SMOC2: variants seen among roughly 807,000 people sequenced by gnomAD.
SMOC2 encodes the protein SPARC-related modular calcium-binding protein 2.
A neutral mutation model predicts 61.4 loss-of-function variants in SMOC2; 39 were observed. That is an observed-to-expected ratio of 0.64 (90% CI 0.49 to 0.83). The LOEUF is 0.83. SMOC2 is among the 40% of genes least tolerant of loss of function. SMOC2 has a pLI of 0.00. For missense variants in SMOC2, 556 were observed against 592.9 expected (o/e 0.94, Z 0.65); for synonymous variants, 247 against 239.9 (o/e 1.03, Z -0.27).
intron 11 of SMOC2, among the ~76,000 whole-genome samples, chr6:168,658,102 G>C (rs1050437931): frequency 6.6e-6 from 1 of 152,208 alleles, no homozygotes; most frequent in Non-Finnish European, 1.5e-5. Flanking sequence ...GACTGATGGG[G>C]AGATGGAGAG....
intron 1 of SMOC2, among the ~76,000 whole-genome samples, chr6:168,492,989 A>C (rs896193007): frequency 6.6e-6 from 1 of 152,214 alleles, no homozygotes; most frequent in Non-Finnish European, 1.5e-5. Flanking sequence ...GGAAGAGTTC[A>C]CAAATTTGAA....
chr6:168,539,370 A>G (rs1783823862), intron 4 of SMOC2, among the ~76,000 whole-genome samples: 1 of 152,160 alleles, frequency 6.6e-6, no homozygotes, highest in South Asian at 2.1e-4. Context: ...GGGCATCTCC[A>G]TGCCAGCGCC....
intron 4 of SMOC2, among the ~76,000 whole-genome samples, chr6:168,536,849 G>T (rs1426422588): frequency 6.6e-6 from 1 of 152,220 alleles, no homozygotes; most frequent in Admixed American, 6.5e-5. Flanking sequence ...ATGGGACCCG[G>T]TGAAGTCGGA....
At position 168,624,346 on chromosome 6, in the gene SMOC2, G is replaced by A. The variant is rs12174311; in HGVS notation, c.907+16107G>A. Reference sequence around the variant, plus strand: ...GCTAATCTGAGCTGCATGTGAACACGCACATATGTAGACGAAGCTCGCTAG... The same window carrying A: ...GCTAATCTGAGCTGCATGTGAACACACACATATGTAGACGAAGCTCGCTAG... On this transcript the variant is annotated intron_variant, in intron 9 of 12. Transcript: ENST00000356284. Among the ~76,000 whole-genome samples, 162 of 152,290 alleles carry A rather than the reference G, an allele frequency of 1.1e-3. 4 individuals carry two copies. In the East Asian group the frequency reaches 0.027, roughly 26 times the overall value.
chr6:168,636,936 A>ACCTCCCTCTTCCCTCCTCTTT (rs1240511308), intron 9 of SMOC2, among the ~76,000 whole-genome samples: 1 of 37,018 alleles, frequency 2.7e-5, no homozygotes, highest in African/African-American at 1.1e-4. Context: ...CCCCCTCCCC[A>ACCTCCCTCTTCCCTCCTCTTT]CCTCCCTCTT....
intron 1 of SMOC2, among the ~76,000 whole-genome samples, chr6:168,474,103 C>T (rs1244810559): frequency 6.6e-6 from 1 of 152,108 alleles, no homozygotes; most frequent in South Asian, 2.1e-4. Context: ...TCTGTTCATC[C>T]GTGCATTGAT....
At chr6:168,664,002 G>A in intron 11 of SMOC2, 72 bp from the exon 12 acceptor site, 1 of 1,333,922 alleles carries the variant, frequency 7.5e-7, no homozygotes, top group South Asian at 1.3e-5. Context: ...ACTCCTTCCT[G>A]AAATTGTGTT....
At chr6:168,449,589 A>G (rs776943089) in intron 1 of SMOC2, among the ~76,000 whole-genome samples, 6 of 152,154 alleles carry the variant, frequency 3.9e-5, no homozygotes, top group African/African-American at 9.7e-5. Flanking sequence ...TTTAAGTACA[A>G]TTAAAACTAA....
chr6:168,484,761 C>A (rs75554909), intron 1 of SMOC2, among the ~76,000 whole-genome samples: 1,647 of 152,276 alleles, frequency 0.011, 32 homozygotes, highest in African/African-American at 0.037. Context: ...TATTATTCAT[C>A]CTTAAAATGA....
At chr6:168,447,952 C>A (rs1157596773) in intron 1 of SMOC2, among the ~76,000 whole-genome samples, 2 of 152,148 alleles carry the variant, frequency 1.3e-5, no homozygotes, top group Non-Finnish European at 2.9e-5. Flanking sequence ...ATCCACCCTG[C>A]ATACCAGCTG....
chr6:168,527,883 G>C (rs1783493117), intron 4 of SMOC2, among the ~76,000 whole-genome samples, 156 bp downstream of exon 4: 1 of 152,268 alleles, frequency 6.6e-6, no homozygotes, highest in Non-Finnish European at 1.5e-5. Context: ...CACTGACAAA[G>C]CCTACATTTT....
chr6:168,546,251 GAAA>G (rs143673157), intron 5 of SMOC2, among the ~76,000 whole-genome samples: 17,999 of 65,680 alleles, frequency 0.27, 1,754 homozygotes, highest in South Asian at 0.33. Flanking sequence ...AAGCTTCAGT[GAAA>G]AAAAAAAAAA....
At chr6:168,636,668 G>T (rs925010554) in intron 9 of SMOC2, among the ~76,000 whole-genome samples, 4 of 152,228 alleles carry the variant, frequency 2.6e-5, no homozygotes, top group Non-Finnish European at 1.5e-5. Context: ...GGCTACTGCA[G>T]ACAAAGGTAT....
At chr6:168,628,916 G>A (rs1373657426) in intron 9 of SMOC2, among the ~76,000 whole-genome samples, 1 of 152,262 alleles carries the variant, frequency 6.6e-6, no homozygotes, top group African/African-American at 2.4e-5. Flanking sequence ...ACGGAGGCGT[G>A]GGTGGAGGGC....
At chr6:168,526,221 C>T in intron 2 of SMOC2, 125 bp from the exon 3 acceptor site, 3 of 803,354 alleles carry the variant, frequency 3.7e-6, no homozygotes, top group Non-Finnish European at 4.1e-6. Flanking sequence ...CTGTGAAGCC[C>T]TTTCCAGCCT....
intron 1 of SMOC2, among the ~76,000 whole-genome samples, chr6:168,487,071 C>T (rs1782354563): frequency 6.6e-6 from 1 of 152,198 alleles, no homozygotes; most frequent in Non-Finnish European, 1.5e-5. Context: ...CCTTTGGGCT[C>T]CTCTCCCAGC....
chr6:168,494,739 G>C (rs1782547413), intron 1 of SMOC2, among the ~76,000 whole-genome samples: 2 of 152,328 alleles, frequency 1.3e-5, no homozygotes, highest in Middle Eastern at 3.4e-3. Context: ...GGCTGGGAGT[G>C]AGAGTGAACC....
At chr6:168,578,570 C>T (rs1784857256) in intron 7 of SMOC2, among the ~76,000 whole-genome samples, 2 of 152,154 alleles carry the variant, frequency 1.3e-5, no homozygotes, top group Non-Finnish European at 2.9e-5. Context: ...GGCTGAAGGT[C>T]CCCAGGGCTT....
At chr6:168,600,528 C>T (rs1785524274) in intron 8 of SMOC2, among the ~76,000 whole-genome samples, 1 of 151,966 alleles carries the variant, frequency 6.6e-6, no homozygotes, top group Non-Finnish European at 1.5e-5. Flanking sequence ...TGGGAAGCAG[C>T]AGTAGCTTCG....
Sources: allele counts gnomAD v4.1 joint callset (sites outside exome capture counted in the v4.1 genomes callset), GRCh38; gene constraint gnomAD v4.1.1; transcripts MANE v1.5; gene names NCBI Gene and HGNC (gene_info 2026-07-23, HGNC 2026-07-21).